Variants in USP13 observed in about 807,000 individuals in gnomAD.
USP13 encodes the protein ubiquitin specific peptidase 13, also known as ubiquitin carboxyl-terminal hydrolase 13.
Under a neutral mutation model 107.8 loss-of-function variants are expected in USP13, and 68 were observed. The observed-to-expected ratio is 0.63, with a 90% CI of 0.52 to 0.77. USP13 has a LOEUF of 0.77. Ranked by LOEUF, USP13 falls within the 30% of genes least tolerant of loss-of-function variation. The probability of loss-of-function intolerance (pLI) is 0.00; values close to 1 mark genes in which losing one functional copy is unlikely to be tolerated. For synonymous variants in USP13, 377 were observed against 389.5 expected (o/e 0.97, Z 0.38); for missense variants, 945 against 1,093.3 (o/e 0.86, Z 1.91).
chr3:179,756,042 A>G lies in USP13; in HGVS notation c.1922-1010A>G, dbSNP rs150131398. On this transcript the variant is annotated intron_variant, in intron 15 of 20. Transcript: ENST00000263966. The stretch of plus-strand genomic sequence containing the variant: ...AAAGAAGGATCAGCATGGGCATCAG[A>G]TAAATACAAGATGGTTTATTAGTAC... 9.3e-4 allele frequency among the ~76,000 whole-genome samples: 141 copies of G among 152,346 alleles called. 2 individuals carry two copies. In the South Asian group the frequency reaches 0.018, roughly 19 times the overall value.
intron 19 of USP13, among the ~76,000 whole-genome samples, chr3:179,769,963 A>C (rs528084763): frequency 6.6e-6 from 1 of 152,350 alleles, no homozygotes; most frequent in East Asian, 1.9e-4. Context: ...GCAGATTACC[A>C]TCACGTGACT....
chr3:179,710,347 G>A (rs1480832117), intron 6 of USP13, among the ~76,000 whole-genome samples: 1 of 152,188 alleles, frequency 6.6e-6, no homozygotes, highest in Non-Finnish European at 1.5e-5. Context: ...GATTTGCAAT[G>A]TAGGAATTCT....
chr3:179,715,418 G>A (rs1382962994), intron 6 of USP13, among the ~76,000 whole-genome samples: 1 of 148,874 alleles, frequency 6.7e-6, no homozygotes, highest in Non-Finnish European at 1.5e-5. Context: ...AGGCTGGAGT[G>A]CAATGGTGTG....
At chr3:179,693,438 C>T (rs1712179176) in intron 3 of USP13, among the ~76,000 whole-genome samples, 1 of 152,132 alleles carries the variant, frequency 6.6e-6, no homozygotes, top group South Asian at 2.1e-4. Flanking sequence ...CATGTGTGAG[C>T]TGCTGTGCCT....
intron 16 of USP13, among the ~76,000 whole-genome samples, chr3:179,757,637 T>C (rs1714852701): frequency 6.6e-6 from 1 of 152,204 alleles, no homozygotes; most frequent in Admixed American, 6.5e-5. Context: ...CGATAGACAA[T>C]ATTTAGATAT....
chr3:179,763,863 G>T, intron 17 of USP13, 139 bp from the exon 18 acceptor site: 1 of 1,172,070 alleles, frequency 8.5e-7, no homozygotes, highest in Non-Finnish European at 1.2e-6. Flanking sequence ...TGGGATTACA[G>T]GCATGAGCCA....
chr3:179,718,439 G>C (rs1181569534), intron 6 of USP13, among the ~76,000 whole-genome samples: 2 of 152,026 alleles, frequency 1.3e-5, no homozygotes, highest in Non-Finnish European at 2.9e-5. Flanking sequence ...TTACAGATGT[G>C]AGCCATGTAC....
At chr3:179,670,235 C>T (rs1336488439) in intron 1 of USP13, among the ~76,000 whole-genome samples, 1 of 152,194 alleles carries the variant, frequency 6.6e-6, no homozygotes, top group Non-Finnish European at 1.5e-5. Context: ...CCTCAGGCTC[C>T]TCTTATCACT....
At position 179,784,069 on chromosome 3, in the gene USP13, CA is replaced by C; in HGVS notation, c.2523del (p.Val842PhefsTer27). On this transcript the variant is annotated frameshift_variant, in exon 21 of 21. Coordinates refer to ENST00000263966, the MANE Select transcript of USP13 (RefSeq NM_003940.3). LOFTEE classifies it high-confidence loss of function. ...TCAGATGGGTGATTTACAATGACCACAAAGTTTGTGCCTCAGAAAGGCCCCC... is the reference window on the plus strand; with the variant it reads ...TCAGATGGGTGATTTACAATGACCACAAGTTTGTGCCTCAGAAAGGCCCCC... ...EGRWVIYNDH[K>X]VCASERPPKD... is the part of the protein sequence containing the mutation. The C allele has an allele frequency of 6.2e-7, 1 of 1,613,042 alleles. No individual in the cohort carries two copies. Among genetic ancestry groups the C allele is most frequent in the Non-Finnish European group, 8.5e-7 (1 of 1,179,714 alleles).
At chr3:179,734,671 C>T (rs909140115) in intron 10 of USP13, among the ~76,000 whole-genome samples, 7 of 152,138 alleles carry the variant, frequency 4.6e-5, no homozygotes, top group African/African-American at 9.7e-5. Flanking sequence ...AGTAATAGTT[C>T]GGGAATGCCC....
intron 4 of USP13, among the ~76,000 whole-genome samples, chr3:179,701,763 C>G (rs1412460583): frequency 6.6e-6 from 1 of 152,144 alleles, no homozygotes; most frequent in Admixed American, 6.5e-5. Flanking sequence ...CTCTTCCCTT[C>G]TCTTTTCTTC....
At chr3:179,673,996 G>A (rs1222873344) in intron 1 of USP13, among the ~76,000 whole-genome samples, 1 of 152,182 alleles carries the variant, frequency 6.6e-6, no homozygotes, top group Non-Finnish European at 1.5e-5. Context: ...GGGTTCAAAC[G>A]ATTCTCCTGC....
At chr3:179,774,510 C>T (rs547287300) in intron 19 of USP13, among the ~76,000 whole-genome samples, 2 of 151,838 alleles carry the variant, frequency 1.3e-5, no homozygotes, top group Admixed American at 1.3e-4. Context: ...CTTAAGGCAG[C>T]ACGTCTGGAG....
intron 8 of USP13, among the ~76,000 whole-genome samples, chr3:179,728,702 G>C (rs533036550): frequency 1.0e-3 from 159 of 152,336 alleles, no homozygotes; most frequent in African/African-American, 3.6e-3. Context: ...ATTGAGCACT[G>C]AGTGAAGGAG....
chr3:179,670,758 C>T (rs1720726080), intron 1 of USP13, among the ~76,000 whole-genome samples: 1 of 151,940 alleles, frequency 6.6e-6, no homozygotes, highest in Non-Finnish European at 1.5e-5. Flanking sequence ...AGTGCAGTGG[C>T]ATGATCTCCG....
At chr3:179,740,543 G>A (rs974083718) in intron 11 of USP13, among the ~76,000 whole-genome samples, 171 bp downstream of exon 11, 4 of 152,116 alleles carry the variant, frequency 2.6e-5, no homozygotes, top group African/African-American at 7.2e-5. Flanking sequence ...CAGCCAACTT[G>A]ATGTGACTGC....
intron 8 of USP13, among the ~76,000 whole-genome samples, chr3:179,723,997 TAAA>T (rs398040150): frequency 7.1e-6 from 1 of 140,754 alleles, no homozygotes; most frequent in Non-Finnish European, 1.6e-5. Context: ...TACAAAAATT[TAAA>T]AAAAAAAAAA....
In USP13 at chr3:179,745,230, A is replaced by G; in HGVS notation, c.1709+13A>G. ...CTGCGGGTGTGAAGTAAGTGTGTGT[A>G]TATGTGGTGGCAGTGGGGTGAGGAG... On this transcript the variant is annotated intron_variant, in intron 13 of 20. Coordinates refer to ENST00000263966, the MANE Select transcript of USP13 (RefSeq NM_003940.3). 6.0e-6 allele frequency: 9 copies of G among 1,494,522 alleles called. No homozygotes were observed. Among genetic ancestry groups the G allele is most frequent in the Non-Finnish European group, 8.1e-6 (9 of 1,106,854 alleles). 92.6% of individuals were successfully genotyped at this position (1,494,522 alleles called of 1,614,324 possible). A position where few individuals can be genotyped will look rare whatever the true frequency, so the allele number is the denominator to read the frequency against.
chr3:179,672,164 T>G (rs1471174649), intron 1 of USP13, among the ~76,000 whole-genome samples: 1 of 152,200 alleles, frequency 6.6e-6, no homozygotes, highest in African/African-American at 2.4e-5. Flanking sequence ...GTTGCAATCT[T>G]GACCTTTATA....
Sources: gnomAD v4.1 joint callset for allele counts (sites outside exome capture counted in the v4.1 genomes callset) on GRCh38, gnomAD v4.1.1 for gene constraint, MANE v1.5 for transcripts, NCBI Gene and HGNC (gene_info 2026-07-23, HGNC 2026-07-21) for gene names.